The following TBK1 variants were observed in gnomAD, a reference collection of about 807,000 sequenced individuals.
The protein encoded by TBK1 is serine/threonine-protein kinase TBK1.
A neutral mutation model predicts 99.9 loss-of-function variants in TBK1; 37 were observed. The observed-to-expected ratio is 0.37, with a 90% confidence interval of 0.28 to 0.49. The LOEUF (loss-of-function observed/expected upper bound fraction) is 0.49, where lower values mean the gene tolerates loss of function less well. Among genes scored for constraint, TBK1 ranks in the 20% least tolerant of loss-of-function variants. The pLI, the probability that TBK1 is intolerant of heterozygous loss-of-function variation, is 0.98. For synonymous variants in TBK1, 258 were observed against 279.8 expected, an observed-to-expected ratio of 0.92 and a Z score of 0.78; for missense variants, 644 against 872.5, an observed-to-expected ratio of 0.74 and a Z score of 3.30.
chr12:64,481,106 G>A (rs896479117), intron 7 of TBK1, among the ~76,000 whole-genome samples: 1 of 152,134 alleles, frequency 6.6e-6, no homozygotes, highest in African/African-American at 2.4e-5. Context: ...GAAATTCATT[G>A]TGTTGGAGAG....
At chr12:64,457,261 T>C (rs2040500031) in intron 2 of TBK1, among the ~76,000 whole-genome samples, 1 of 152,178 alleles carries the variant, frequency 6.6e-6, no homozygotes, top group African/African-American at 2.4e-5. Context: ...CCTTTATGGC[T>C]CATAGAGAAT....
intron 5 of TBK1, among the ~76,000 whole-genome samples, chr12:64,472,260 C>G (rs2040670444): frequency 6.6e-6 from 1 of 150,634 alleles, no homozygotes; most frequent in African/African-American, 2.5e-5. Context: ...CAGCACCCCC[C>G]CACCACCCCG....
chr12:64,476,150 C>CTTTT lies in TBK1; in HGVS notation c.701+1782_701+1785dup, dbSNP rs59104364. On this transcript the variant is annotated intron_variant, in intron 6 of 20. Coordinates refer to ENST00000331710, the MANE Select transcript of TBK1 (RefSeq NM_013254.4). Reference sequence around the variant, plus strand: ...GTTTGTTGGCAGCTTGCGTAGTCTTCTTTTTTTTTTTTTTTTTTTTTTTTT... The same window carrying CTTTT: ...GTTTGTTGGCAGCTTGCGTAGTCTTCTTTTTTTTTTTTTTTTTTTTTTTTTTTTT... Among the ~76,000 whole-genome samples the CTTTT allele has an allele frequency of 2.3e-3, 118 of 51,868 alleles. 1 individual carries two copies. The highest frequency in any genetic ancestry group is 3.8e-3 in the East Asian group (6 of 1,584). 34.0% of individuals were successfully genotyped at this position (51,868 alleles called of 152,430 possible).
chr12:64,481,710 T>C (rs1023995234), intron 7 of TBK1, 132 bp from the exon 8 acceptor site: 7 of 604,188 alleles, frequency 1.2e-5, no homozygotes, highest in Non-Finnish European at 1.7e-5. Flanking sequence ...TTGACAGATT[T>C]TAAATTTTTT....
intron 5 of TBK1, among the ~76,000 whole-genome samples, chr12:64,470,609 G>A (rs954917445): frequency 1.3e-5 from 2 of 152,166 alleles, no homozygotes; most frequent in African/African-American, 4.8e-5. Context: ...ATAAAATGGA[G>A]TTCGAAATAG....
chr12:64,456,839 TA>T (rs532644739), intron 2 of TBK1, among the ~76,000 whole-genome samples: 3,604 of 118,412 alleles, frequency 0.03, 88 homozygotes, highest in African/African-American at 0.083. Context: ...AAGACTCAAT[TA>T]AAAAAAAAAA....
Position 64,460,213 on chromosome 12 carries a change from A to G in TBK1, c.112A>G (p.Lys38Glu). Residue 38 changes from lysine (K) to glutamate (E), a missense_variant, in exon 3 of 21, where the codon AAA becomes GAA. Around this residue, in one of 3 missense-constraint regions of TBK1, gnomAD observed 148 missense variants for 202.1 expected, o/e 0.73. Coordinates refer to ENST00000331710, the MANE Select transcript of TBK1 (RefSeq NM_013254.4). Reference protein sequence around the residue: ...HKKTGDLFAIKVFNNISFLRP... With the variant: ...HKKTGDLFAIEVFNNISFLRP... ...GAAAACTGGTGATTTATTTGCTATC[A>G]AAGTATTTAATAACATAAGCTTCCT... is the stretch of plus-strand genomic sequence containing the variant. 1 of 1,533,518 alleles carries G rather than the reference A, an allele frequency of 6.5e-7. No individual in the cohort carries two copies. The allele number at this position is 1,533,518 out of a possible 1,614,324, so 95.0% of individuals were successfully genotyped here.
chr12:64,460,196 G>A lies in TBK1; in HGVS notation c.95G>A (p.Gly32Asp). The A allele has an allele frequency of 6.7e-7, 1 of 1,489,566 alleles. No homozygotes were observed. 92.3% of individuals were successfully genotyped at this position (1,489,566 alleles called of 1,614,324 possible). A position where few individuals can be genotyped will look rare whatever the true frequency, so the allele number is the denominator to read the frequency against. The change falls in exon 3 of 21, where the codon GGT becomes GAT. Residue 32 changes from glycine (G) to aspartate (D), a missense_variant. By Grantham distance (94) the Gly-to-Asp change is moderately conservative. Coordinates refer to ENST00000331710, the MANE Select transcript of TBK1 (RefSeq NM_013254.4). ...TCTCTCTCTTTTTTAAAGAAAACTG[G>A]TGATTTATTTGCTATCAAAGTATTT... ...NVFRGRHKKTGDLFAIKVFNN... is the reference protein window; with the variant it reads ...NVFRGRHKKTDDLFAIKVFNN...
chr12:64,472,685 G>T (rs1478550099), intron 5 of TBK1, among the ~76,000 whole-genome samples: 1 of 152,034 alleles, frequency 6.6e-6, no homozygotes, highest in Non-Finnish European at 1.5e-5. Context: ...CAATCTTTTG[G>T]CTTCCCTGGG....
chr12:64,490,781 G>C (rs111316737), intron 13 of TBK1, among the ~76,000 whole-genome samples: 2 of 151,888 alleles, frequency 1.3e-5, no homozygotes, highest in African/African-American at 2.4e-5. Context: ...CATTAGCTGC[G>C]TGTGGTGGTG....
chr12:64,499,937 C>A (rs746233388), intron 20 of TBK1, among the ~76,000 whole-genome samples: 1 of 151,958 alleles, frequency 6.6e-6, no homozygotes, highest in Non-Finnish European at 1.5e-5. Context: ...ACCTCGTGAT[C>A]CACCTGCCTC....
intron 3 of TBK1, among the ~76,000 whole-genome samples, chr12:64,461,153 T>TA (rs1253086044): frequency 6.6e-6 from 1 of 150,854 alleles, no homozygotes; most frequent in East Asian, 1.9e-4. Flanking sequence ...AAAAGAAAGG[T>TA]AACAAGTTAA....
At chr12:64,462,222 G>A (rs936307922) in intron 3 of TBK1, among the ~76,000 whole-genome samples, 1 of 152,194 alleles carries the variant, frequency 6.6e-6, no homozygotes. Context: ...CATTTTAGGG[G>A]CCAGAGATCA....
chr12:64,465,983 A>G (rs188225382), intron 4 of TBK1, among the ~76,000 whole-genome samples: 13 of 152,356 alleles, frequency 8.5e-5, no homozygotes, highest in Admixed American at 6.5e-4. Context: ...CTTAAGAGAA[A>G]TGAATCAAAT....
chr12:64,472,264 C>A (rs1173114192), intron 5 of TBK1, among the ~76,000 whole-genome samples: 4 of 149,916 alleles, frequency 2.7e-5, no homozygotes, highest in Non-Finnish European at 4.4e-5. Context: ...ACCCCCCCAC[C>A]ACCCCGACCC....
At position 64,501,607 on chromosome 12, in the gene TBK1, C is replaced by A; in HGVS notation, c.*226C>A. 2.2e-6 allele frequency: 1 copy of A among 463,180 alleles called. No homozygotes were observed. The highest frequency in any genetic ancestry group is 3.8e-6 in the Non-Finnish European group (1 of 265,304). 28.7% of individuals were successfully genotyped at this position (463,180 alleles called of 1,614,324 possible). ...TTTATAATTATATGAGGAAATTTGACCTCAGTGATCACGAGAAGAAAGCCA... is the reference window on the plus strand; with the variant it reads ...TTTATAATTATATGAGGAAATTTGAACTCAGTGATCACGAGAAGAAAGCCA... On this transcript the variant is annotated 3_prime_UTR_variant, in exon 21 of 21. Transcript: ENST00000331710.
intron 12 of TBK1, 78 bp downstream of exon 12, chr12:64,488,666 T>C: frequency 1.0e-6 from 1 of 973,004 alleles, no homozygotes; most frequent in South Asian, 1.6e-5. Context: ...TAGTTATCCT[T>C]GGCACAATAT....
chr12:64,483,672 G>C (rs924880480), intron 8 of TBK1, among the ~76,000 whole-genome samples: 2 of 152,118 alleles, frequency 1.3e-5, no homozygotes, highest in Non-Finnish European at 2.9e-5. Flanking sequence ...TCAAGTCAGT[G>C]CTCTAAACCG....
chr12:64,480,308 A>G (rs1188907304), intron 7 of TBK1, among the ~76,000 whole-genome samples, 186 bp downstream of exon 7: 1 of 152,224 alleles, frequency 6.6e-6, no homozygotes, highest in African/African-American at 2.4e-5. Context: ...TCTCTGCTAT[A>G]TGAATAATTT....
Sources: allele counts gnomAD v4.1 joint callset (sites outside exome capture counted in the v4.1 genomes callset), GRCh38; gene constraint gnomAD v4.1.1; regional missense constraint gnomAD v4.1.1; transcripts MANE v1.5; gene names NCBI Gene and HGNC (gene_info 2026-07-23, HGNC 2026-07-21).